The following DHRSX variants were observed in gnomAD, a reference collection of about 807,000 sequenced individuals.
The protein encoded by DHRSX is polyprenol dehydrogenase.
A neutral mutation model predicts 34.0 loss-of-function variants in DHRSX; 31 were observed. The ratio of observed to expected loss-of-function variants is 0.91; its 90% CI spans 0.69 to 1.23. The LOEUF (loss-of-function observed/expected upper bound fraction) is 1.23, where lower values mean the gene tolerates loss of function less well. Among genes scored for constraint, DHRSX ranks in the 50% most tolerant of loss-of-function variants. The pLI, the probability that DHRSX is intolerant of heterozygous loss-of-function variation, is 0.00. For missense variants in DHRSX, 414 were observed against 428.1 expected, an observed-to-expected ratio of 0.97 and a Z score of 0.29; for synonymous variants, 201 against 183.8, an observed-to-expected ratio of 1.09 and a Z score of -0.76.
intron 3 of DHRSX, among the ~76,000 whole-genome samples, chrX:2,401,074 G>A (rs1263018507): frequency 1.3e-5 from 2 of 150,652 alleles, no homozygotes; most frequent in Non-Finnish European, 2.9e-5. Context: ...TGATGAAGAC[G>A]GCACAAGCTA....
intron 5 of DHRSX, among the ~76,000 whole-genome samples, chrX:2,251,292 A>G (rs763029816): frequency 6.6e-6 from 1 of 152,372 alleles, no homozygotes; most frequent in South Asian, 2.1e-4. Context: ...TAGCCGTGAT[A>G]AAGAAATCAA....
chrX:2,479,892 T>C (rs1359573365), intron 1 of DHRSX, among the ~76,000 whole-genome samples: 1 of 152,214 alleles, frequency 6.6e-6, no homozygotes, highest in Non-Finnish European at 1.5e-5. Flanking sequence ...AGATGTTCCC[T>C]AAGCATGTGG....
At chrX:2,311,557 G>A (rs1193256945) in intron 3 of DHRSX, among the ~76,000 whole-genome samples, 2 of 152,140 alleles carry the variant, frequency 1.3e-5, no homozygotes, top group African/African-American at 2.4e-5. Flanking sequence ...AAGCACCATT[G>A]ACCCACCCGC....
chrX:2,481,364 C>T (rs2044767692), intron 1 of DHRSX, among the ~76,000 whole-genome samples: 2 of 152,124 alleles, frequency 1.3e-5, no homozygotes, highest in Non-Finnish European at 2.9e-5. Flanking sequence ...CAGTTATGTG[C>T]TCAAGGTGTA....
chrX:2,347,152 G>C (rs910386302), intron 3 of DHRSX, among the ~76,000 whole-genome samples: 1 of 152,136 alleles, frequency 6.6e-6, no homozygotes, highest in African/African-American at 2.4e-5. Context: ...AGAAAAGAAA[G>C]GTTTAACTGG....
At chrX:2,226,940 G>A (rs2015678723) in intron 6 of DHRSX, among the ~76,000 whole-genome samples, 1 of 151,926 alleles carries the variant, frequency 6.6e-6, no homozygotes, top group Non-Finnish European at 1.5e-5. Flanking sequence ...GGGAAGCTCT[G>A]GGACCTGTCT....
chrX:2,339,014 C>T (rs1247937449), intron 3 of DHRSX, among the ~76,000 whole-genome samples: 1 of 151,950 alleles, frequency 6.6e-6, no homozygotes, highest in Non-Finnish European at 1.5e-5. Flanking sequence ...ATAATTTCCG[C>T]AACGAGATGT....
chrX:2,426,044 C>CG (rs2043842658), intron 1 of DHRSX, among the ~76,000 whole-genome samples: 2 of 152,000 alleles, frequency 1.3e-5, no homozygotes, highest in Non-Finnish European at 2.9e-5. Flanking sequence ...AAGGAGATGG[C>CG]TGGGGGGTGG....
chrX:2,378,988 G>A (rs2124608443), intron 3 of DHRSX, among the ~76,000 whole-genome samples: 1 of 152,116 alleles, frequency 6.6e-6, no homozygotes, highest in Admixed American at 6.5e-5. Context: ...TTACTTTATT[G>A]TAAGAATATT....
In DHRSX at chrX:2,362,394, G is replaced by A. The variant is rs185336899; in HGVS notation, c.286+46351C>T. The stretch of plus-strand genomic sequence containing the variant: ...TGGCTCACTGCAACCTCCGCCTCCC[G>A]GGTTCAAGCAATTCTTCTGCCTCAG... On this transcript the variant is annotated intron_variant, in intron 3 of 6. Coordinates refer to ENST00000334651, the MANE Select transcript of DHRSX (RefSeq NM_145177.3). 2.3e-3 allele frequency among the ~76,000 whole-genome samples: 349 copies of A among 152,244 alleles called. 1 individual carries two copies. Among genetic ancestry groups the A allele is most frequent in the African/African-American group, 8.0e-3 (333 of 41,560 alleles).
intron 3 of DHRSX, among the ~76,000 whole-genome samples, chrX:2,320,290 T>C (rs1408011677): frequency 6.7e-6 from 1 of 149,586 alleles, no homozygotes; most frequent in Non-Finnish European, 1.5e-5. Flanking sequence ...TATGTGGACT[T>C]TTCTTTTCTT....
At chrX:2,348,558 C>T (rs1260151119) in intron 3 of DHRSX, among the ~76,000 whole-genome samples, 1 of 152,080 alleles carries the variant, frequency 6.6e-6, no homozygotes, top group Non-Finnish European at 1.5e-5. Context: ...GAAAGAGGTC[C>T]AGGCAGCAAC....
chrX:2,488,262 C>T (rs1351957190), intron 1 of DHRSX: 6 of 214,714 alleles, frequency 2.8e-5, no homozygotes, highest in Non-Finnish European at 5.4e-5. Flanking sequence ...CTGCAACCTC[C>T]ACCTCCCAGG....
intron 3 of DHRSX, among the ~76,000 whole-genome samples, chrX:2,298,984 TCAAAAAAAAAA>T (rs1271750547): frequency 5.2e-5 from 1 of 19,272 alleles, no homozygotes; most frequent in Non-Finnish European, 1.0e-4. Context: ...AAACTCTGTC[TCAAAAAAAAAA>T]AAAAAAAAAA....
chrX:2,225,295 TACACACATTCACATGCACAC>T (rs1388504700), intron 6 of DHRSX, among the ~76,000 whole-genome samples: 1 of 150,028 alleles, frequency 6.7e-6, no homozygotes, highest in South Asian at 2.1e-4. Flanking sequence ...CTTTCACATG[TACACACATTCACATGCACAC>T]ATACACATGC....
intron 1 of DHRSX, among the ~76,000 whole-genome samples, chrX:2,476,073 G>T (rs1418652197): frequency 6.6e-6 from 1 of 152,164 alleles, no homozygotes; most frequent in Non-Finnish European, 1.5e-5. Context: ...GAGCCACGGT[G>T]AGACCAGCAC....
chrX:2,358,267 T>C (rs1164692350), intron 3 of DHRSX, among the ~76,000 whole-genome samples: 1 of 152,022 alleles, frequency 6.6e-6, no homozygotes, highest in Admixed American at 6.6e-5. Context: ...TGATAAAGGT[T>C]TAATATCCAG....
chrX:2,358,308 A>C (rs189632801), intron 3 of DHRSX, among the ~76,000 whole-genome samples: 1 of 152,288 alleles, frequency 6.6e-6, no homozygotes. Context: ...AAATTTACAA[A>C]ACAAAACAAA....
chrX:2,225,352 A>G (rs2015631837), intron 6 of DHRSX, among the ~76,000 whole-genome samples: 1 of 151,148 alleles, frequency 6.6e-6, no homozygotes. Flanking sequence ...AAGTACGCAC[A>G]TACACATGCA....
Sources: allele counts gnomAD v4.1 joint callset (sites outside exome capture counted in the v4.1 genomes callset), GRCh38; gene constraint gnomAD v4.1.1; transcripts MANE v1.5; gene names NCBI Gene and HGNC (gene_info 2026-07-23, HGNC 2026-07-21).